Variants in MBD5 observed in about 807,000 individuals in gnomAD.
MBD5 encodes methyl-CpG binding domain protein 5, also known as methyl-CpG-binding domain protein 5.
Under a neutral mutation model 117.3 loss-of-function variants are expected in MBD5, and 13 were observed. The ratio of observed to expected loss-of-function variants is 0.11; its 90% CI spans 0.07 to 0.18. The LOEUF (loss-of-function observed/expected upper bound fraction) is 0.18. MBD5 is among the 10% of genes least tolerant of loss of function. MBD5 has a pLI of 1.00. For synonymous variants in MBD5, 727 were observed against 766.4 expected (o/e 0.95, Z 0.85); for missense variants, 1,879 against 2,093.8 (o/e 0.90, Z 2.00).
At chr2:148,105,822 T>A (rs1696357954) in intron 1 of MBD5, among the ~76,000 whole-genome samples, 1 of 152,152 alleles carries the variant, frequency 6.6e-6, no homozygotes. Context: ...GCTATAAAAT[T>A]AAAATTCTCA....
chr2:148,473,763 T>G (rs1231064155), intron 8 of MBD5, among the ~76,000 whole-genome samples: 1 of 152,172 alleles, frequency 6.6e-6, no homozygotes, highest in Non-Finnish European at 1.5e-5. Flanking sequence ...TAAAAGATAT[T>G]AAATACTTTG....
intron 1 of MBD5, among the ~76,000 whole-genome samples, chr2:148,173,339 C>T (rs371393294): frequency 6.6e-6 from 1 of 152,238 alleles, no homozygotes. Context: ...TAGCCTTGCA[C>T]GTAGCTGGTG....
chr2:148,116,926 T>C (rs1248038504), intron 1 of MBD5, among the ~76,000 whole-genome samples: 1 of 152,232 alleles, frequency 6.6e-6, no homozygotes, highest in African/African-American at 2.4e-5. Context: ...TGGTTTTAAC[T>C]ACTGATTAAG....
intron 3 of MBD5, among the ~76,000 whole-genome samples, chr2:148,259,401 C>T (rs1277675113): frequency 2.6e-5 from 4 of 152,208 alleles, no homozygotes; most frequent in African/African-American, 9.6e-5. Context: ...ACCCATCTAC[C>T]TCTGCCCATG....
chr2:148,221,894 C>T (rs1051883160), intron 2 of MBD5, among the ~76,000 whole-genome samples: 5 of 152,044 alleles, frequency 3.3e-5, no homozygotes, highest in African/African-American at 1.2e-4. Context: ...ATCTGAGGGT[C>T]TTAGGTTTAA....
rs749271694 is a variant in MBD5, at chr2:148,490,248, G to A, written c.4616G>A (p.Ser1539Asn). 2 of 1,614,234 alleles carry A rather than the reference G, an allele frequency of 1.2e-6. No homozygotes were observed. The highest frequency in any genetic ancestry group is 2.2e-5 in the South Asian group (2 of 91,086). The stretch of plus-strand genomic sequence containing the variant: ...AGTCGGGGATTTGGAGAGCTGCTAA[G>A]CACTGCAAAGCAAGACCTGGTCCTA... ...RQSRGFGELLSTAKQDLVLEE... is the reference protein window; with the variant it reads ...RQSRGFGELLNTAKQDLVLEE... Residue 1539 changes from serine to asparagine, a missense_variant, in exon 11 of 14, where the codon AGC (serine) becomes AAC (asparagine). Ser to Asn is a conservative substitution (Grantham distance 46). Transcript: ENST00000642680.
chr2:148,311,558 G>A (rs1702031396), intron 3 of MBD5, among the ~76,000 whole-genome samples: 1 of 152,040 alleles, frequency 6.6e-6, no homozygotes, highest in Non-Finnish European at 1.5e-5. Context: ...ATGTGAGATG[G>A]GTCTCCTGAA....
intron 3 of MBD5, among the ~76,000 whole-genome samples, chr2:148,284,278 G>C (rs1481686188): frequency 1.3e-5 from 2 of 151,998 alleles, no homozygotes; most frequent in African/African-American, 4.8e-5. Context: ...TTTTGCTGAT[G>C]TAAAACCAGC....
At position 148,489,634 on chromosome 2, in the gene MBD5, G is replaced by T. The variant is rs1681454577; in HGVS notation, c.4002G>T (p.Gln1334His). The T allele has an allele frequency of 6.2e-7, 1 of 1,614,148 alleles. No homozygotes were observed. The highest frequency in any genetic ancestry group is 1.3e-5 in the African/African-American group (1 of 75,032). Residue 1334 changes from glutamine (Q) to histidine (H), a missense_variant, in exon 11 of 14, where the codon CAG becomes CAT. Around this residue, in one of 4 missense-constraint regions of MBD5, gnomAD observed 1,666 missense variants for 1,792.2 expected, o/e 0.93. Coordinates refer to ENST00000642680, the MANE Select transcript of MBD5 (RefSeq NM_001378120.1). ...AVVDAASKGM[Q>H]VVITTAVNST... ...TCGATGCAGCCAGCAAAGGAATGCAGGTTGTCATCACCACTGCAGTCAACA... is the reference window on the plus strand; with the variant it reads ...TCGATGCAGCCAGCAAAGGAATGCATGTTGTCATCACCACTGCAGTCAACA...
At chr2:148,371,715 G>C (rs545497459) in intron 4 of MBD5, among the ~76,000 whole-genome samples, 2 of 152,076 alleles carry the variant, frequency 1.3e-5, no homozygotes, top group East Asian at 3.8e-4. Flanking sequence ...TATACTTAAC[G>C]TGAGAGCCAT....
intron 4 of MBD5, among the ~76,000 whole-genome samples, chr2:148,406,960 AATTATTT>A (rs1705098200): frequency 6.6e-6 from 1 of 152,164 alleles, no homozygotes; most frequent in Non-Finnish European, 1.5e-5. Context: ...CATGACCTGC[AATTATTT>A]TACATATGAA....
chr2:148,124,548 A>G (rs1696844966), intron 1 of MBD5, among the ~76,000 whole-genome samples: 1 of 152,214 alleles, frequency 6.6e-6, no homozygotes, highest in Non-Finnish European at 1.5e-5. Flanking sequence ...ACGGAACTCC[A>G]GCCTGGGTGA....
intron 3 of MBD5, among the ~76,000 whole-genome samples, chr2:148,288,691 A>G (rs947353161): frequency 8.5e-5 from 13 of 152,050 alleles, no homozygotes; most frequent in Admixed American, 6.5e-5. Context: ...CAATGCAGGG[A>G]TGTGTGTAGT....
intron 2 of MBD5, among the ~76,000 whole-genome samples, 160 bp downstream of exon 2, chr2:148,178,953 T>C (rs942825691): frequency 1.5e-4 from 23 of 152,228 alleles, no homozygotes; most frequent in Admixed American, 5.2e-4. Context: ...TTTTATTCCA[T>C]AATATCATCT....
At chr2:148,142,186 A>G (rs1254489070) in intron 1 of MBD5, among the ~76,000 whole-genome samples, 3 of 152,306 alleles carry the variant, frequency 2.0e-5, no homozygotes, top group Non-Finnish European at 4.4e-5. Context: ...GACATGATCA[A>G]AGAAAGAATA....
At chr2:148,179,795 T>G (rs1698478359) in intron 2 of MBD5, among the ~76,000 whole-genome samples, 1 of 152,188 alleles carries the variant, frequency 6.6e-6, no homozygotes, top group Non-Finnish European at 1.5e-5. Context: ...AATGGAAGCC[T>G]GGAGAGTATG....
chr2:148,153,297 G>A (rs973585793), intron 1 of MBD5, among the ~76,000 whole-genome samples: 6 of 152,064 alleles, frequency 3.9e-5, no homozygotes, highest in East Asian at 1.9e-4. Context: ...TAGGGTTTCT[G>A]CTGAGAGATC....
chr2:148,085,736 T>C (rs947530508), intron 1 of MBD5, among the ~76,000 whole-genome samples: 2 of 151,972 alleles, frequency 1.3e-5, no homozygotes, highest in African/African-American at 4.8e-5. Context: ...AAAAAAAAAG[T>C]TTTGGAGCTA....
At chr2:148,208,407 C>T (rs1035100907) in intron 2 of MBD5, among the ~76,000 whole-genome samples, 1 of 152,082 alleles carries the variant, frequency 6.6e-6, no homozygotes, top group African/African-American at 2.4e-5. Flanking sequence ...GCATGCGCTC[C>T]AATGCCAGGC....
Sources: allele counts gnomAD v4.1 joint callset (sites outside exome capture counted in the v4.1 genomes callset), GRCh38; gene constraint gnomAD v4.1.1; regional missense constraint gnomAD v4.1.1; transcripts MANE v1.5; gene names NCBI Gene and HGNC (gene_info 2026-07-23, HGNC 2026-07-21).